SDK1: variants seen among roughly 807,000 people sequenced by gnomAD.
The protein encoded by SDK1 is sidekick cell adhesion molecule 1, also known as protein sidekick-1.
A neutral mutation model predicts 245.5 loss-of-function variants in SDK1; 157 were observed. The ratio of observed to expected loss-of-function variants is 0.64; its 90% CI spans 0.56 to 0.73. The LOEUF is 0.73. SDK1 is among the 30% of genes least tolerant of loss of function. The pLI, the probability that SDK1 is intolerant of heterozygous loss-of-function variation, is 0.00. For synonymous variants in SDK1, 1,647 were observed against 1,278.5 expected, an observed-to-expected ratio of 1.29 and a Z score of -6.15; for missense variants, 3,583 against 3,002.3, an observed-to-expected ratio of 1.19 and a Z score of -4.52.
intron 32 of SDK1, among the ~76,000 whole-genome samples, chr7:4,162,405 A>G (rs1476598800): frequency 1.4e-5 from 2 of 139,740 alleles, no homozygotes; most frequent in African/African-American, 3.0e-5. Flanking sequence ...TATTATTATT[A>G]TTATTATTAT....
rs572978998 is a variant in SDK1, at chr7:4,069,944, T to G, written c.3010+2008T>G. Among the ~76,000 whole-genome samples the G allele has an allele frequency of 3.4e-4, 51 of 152,232 alleles. No homozygotes were observed. The East Asian group carries it at 9.7e-3, about 29-fold the overall frequency. ...TCTCTCCTCTGCAGCGTTGATGTGGTGGGGGTGAGGTTTGAACCATGCTCT... is the reference window on the plus strand; with the variant it reads ...TCTCTCCTCTGCAGCGTTGATGTGGGGGGGGTGAGGTTTGAACCATGCTCT... On this transcript the variant is annotated intron_variant, in intron 20 of 44. Coordinates refer to ENST00000404826, the MANE Select transcript of SDK1 (RefSeq NM_152744.4).
chr7:3,431,760 CTCTG>C (rs1023380396), intron 1 of SDK1, among the ~76,000 whole-genome samples: 1 of 152,084 alleles, frequency 6.6e-6, no homozygotes, highest in Non-Finnish European at 1.5e-5. Flanking sequence ...GGACCTTAAC[CTCTG>C]TCTATGTCTT....
chr7:3,500,980 A>G (rs955970983), intron 1 of SDK1, among the ~76,000 whole-genome samples: 1 of 151,960 alleles, frequency 6.6e-6, no homozygotes, highest in Non-Finnish European at 1.5e-5. Context: ...GATAATTTTA[A>G]TGATAGATTT....
intron 43 of SDK1, among the ~76,000 whole-genome samples, chr7:4,245,131 G>T (rs955384014): frequency 6.6e-5 from 10 of 152,186 alleles, no homozygotes; most frequent in African/African-American, 2.4e-4. Context: ...GATGATGGGG[G>T]TGGGGGCAGT....
At chr7:3,326,841 G>A (rs1028636044) in intron 1 of SDK1, among the ~76,000 whole-genome samples, 1 of 152,072 alleles carries the variant, frequency 6.6e-6, no homozygotes, top group African/African-American at 2.4e-5. Flanking sequence ...TTCTCAGGCT[G>A]TCATTTAACC....
chr7:3,589,017 A>T (rs1231475173), intron 1 of SDK1, among the ~76,000 whole-genome samples: 2 of 152,218 alleles, frequency 1.3e-5, no homozygotes, highest in African/African-American at 4.8e-5. Context: ...ACAGGAGATA[A>T]TTTGTATTCA....
chr7:4,114,044 C>A lies in SDK1; in HGVS notation c.3593C>A (p.Pro1198Gln), dbSNP rs201152363. 3.1e-6 allele frequency: 5 copies of A among 1,613,960 alleles called. No homozygotes were observed. Among genetic ancestry groups the A allele is most frequent in the Non-Finnish European group, 4.2e-6 (5 of 1,179,876 alleles). ...TSLRLRWVPL[P>Q]DSQYNGNPES... ...CTCCTCGTTCCTTCCTAGCCCCTGCCGGATTCTCAGTACAACGGGAACCCC... is the reference window on the plus strand; with the variant it reads ...CTCCTCGTTCCTTCCTAGCCCCTGCAGGATTCTCAGTACAACGGGAACCCC... The change falls in exon 25 of 45, where the codon CCG becomes CAG. Residue 1198 changes from proline to glutamine, a missense_variant. Transcript: ENST00000404826.
At chr7:3,991,094 C>T (rs978994504) in intron 14 of SDK1, among the ~76,000 whole-genome samples, 10 of 152,302 alleles carry the variant, frequency 6.6e-5, no homozygotes, top group Non-Finnish European at 1.2e-4. Flanking sequence ...CGCACGTTCC[C>T]GGCTAGGTAC....
In SDK1 at chr7:4,229,335, G is replaced by A. The variant is rs540091844; in HGVS notation, c.5828-3920G>A. 1.2e-3 allele frequency among the ~76,000 whole-genome samples: 185 copies of A among 152,288 alleles called. 1 individual carries two copies. Among genetic ancestry groups the A allele is most frequent in the African/African-American group, 4.2e-3 (173 of 41,568 alleles). On this transcript the variant is annotated intron_variant, in intron 40 of 44. Transcript: ENST00000404826. ...ATATGCTAATTTGGGAAAGGCAGAA[G>A]TAAGCAGAATAAAAATGGGAACATT...
At position 4,194,444 on chromosome 7, in the gene SDK1, GTATACA is replaced by G. The variant is rs1783463292; in HGVS notation, c.5099-11433_5099-11428del. The stretch of plus-strand genomic sequence containing the variant: ...TACATGTATACGTATATACATATAT[GTATACA>G]TGTATATATGTGTGTGTGTATATAT... On this transcript the variant is annotated intron_variant, in intron 35 of 44. Coordinates refer to ENST00000404826, the MANE Select transcript of SDK1 (RefSeq NM_152744.4). Among the ~76,000 whole-genome samples the G allele has an allele frequency of 2.4e-5, 3 of 125,012 alleles. No homozygotes were observed. The South Asian group carries it at 8.2e-4, about 34-fold the overall frequency. The allele number at this position is 125,012 out of a possible 152,430, so 82.0% of individuals were successfully genotyped here. A position where few individuals can be genotyped will look rare whatever the true frequency, so the allele number is the denominator to read the frequency against.
intron 1 of SDK1, among the ~76,000 whole-genome samples, chr7:3,403,508 G>A (rs55712570): frequency 0.11 from 17,190 of 151,872 alleles, 1,098 homozygotes; most frequent in Middle Eastern, 0.18. Flanking sequence ...TGTTCTAACC[G>A]AAAGAGGGAT....
At chr7:3,775,672 G>C (rs1017333747) in intron 4 of SDK1, among the ~76,000 whole-genome samples, 2 of 151,624 alleles carry the variant, frequency 1.3e-5, no homozygotes, top group Non-Finnish European at 2.9e-5. Context: ...TGCTTCCCGG[G>C]TTCACGCCAT....
chr7:4,031,479 T>A (rs1017456620), intron 17 of SDK1, among the ~76,000 whole-genome samples: 1 of 152,142 alleles, frequency 6.6e-6, no homozygotes, highest in African/African-American at 2.4e-5. Context: ...AACGTCTGAA[T>A]TATGTGTGTA....
chr7:4,179,025 T>G, intron 35 of SDK1: 1 of 163,228 alleles, frequency 6.1e-6, no homozygotes, highest in Non-Finnish European at 1.3e-5. Context: ...ATGTGGGCCA[T>G]TGTCTCCACC....
chr7:4,142,046 C>A (rs879795050), intron 28 of SDK1, among the ~76,000 whole-genome samples: 8 of 151,820 alleles, frequency 5.3e-5, no homozygotes, highest in Non-Finnish European at 1.2e-4. Context: ...TGAGCCACTG[C>A]GCCCTGCCGG....
chr7:3,565,541 A>T (rs1661466381), intron 1 of SDK1, among the ~76,000 whole-genome samples: 1 of 152,246 alleles, frequency 6.6e-6, no homozygotes, highest in African/African-American at 2.4e-5. Context: ...AACAGAATTT[A>T]GTAAACTGAT....
At chr7:3,659,331 A>G (rs1448586188) in intron 4 of SDK1, among the ~76,000 whole-genome samples, 1 of 152,138 alleles carries the variant, frequency 6.6e-6, no homozygotes, top group East Asian at 1.9e-4. Context: ...GTAAGGATAA[A>G]CTGACCAAAA....
chr7:4,149,508 C>A, intron 30 of SDK1, 45 bp downstream of exon 30: 1 of 1,311,086 alleles, frequency 7.6e-7, no homozygotes, highest in Non-Finnish European at 1.0e-6. Context: ...GGGGCCCTGG[C>A]CGCCTCCAGC....
chr7:3,597,291 A>AG (rs1252172868), intron 1 of SDK1, among the ~76,000 whole-genome samples: 1 of 148,902 alleles, frequency 6.7e-6, no homozygotes, highest in African/African-American at 2.5e-5. Context: ...AAAAAAAAAA[A>AG]AGAGGATGTT....
Sources: gnomAD v4.1 joint callset for allele counts (sites outside exome capture counted in the v4.1 genomes callset) on GRCh38, gnomAD v4.1.1 for gene constraint, MANE v1.5 for transcripts, NCBI Gene and HGNC (gene_info 2026-07-23, HGNC 2026-07-21) for gene names.